The following ADCY5 variants were observed in gnomAD, a reference collection of about 807,000 sequenced individuals.
ADCY5 encodes the protein adenylate cyclase 5.
In ADCY5, 30 loss-of-function variants were observed where a neutral mutation model predicts 119.7. The observed-to-expected ratio is 0.25, with a 90% confidence interval of 0.19 to 0.34. The LOEUF (loss-of-function observed/expected upper bound fraction) is 0.34. ADCY5 is among the 10% of genes least tolerant of loss of function. The probability of loss-of-function intolerance (pLI) is 1.00; values close to 1 mark genes in which losing one functional copy is unlikely to be tolerated. For synonymous variants in ADCY5, 753 were observed against 762.2 expected (o/e 0.99, Z 0.20); for missense variants, 1,324 against 1,775.2 (o/e 0.75, Z 4.57).
chr3:123,438,226 T>C (rs1945658386), intron 1 of ADCY5, among the ~76,000 whole-genome samples: 2 of 152,154 alleles, frequency 1.3e-5, no homozygotes, highest in South Asian at 4.1e-4. Flanking sequence ...TGGAGTCAAA[T>C]GTGTTTGAAA....
At chr3:123,299,733 C>G (rs12631101) in intron 15 of ADCY5, among the ~76,000 whole-genome samples, 65,864 of 152,148 alleles carry the variant, frequency 0.43, 14,797 homozygotes, top group East Asian at 0.7. Flanking sequence ...AGGCACCTGC[C>G]TCGAGGTGGG....
intron 1 of ADCY5, among the ~76,000 whole-genome samples, chr3:123,446,674 G>A (rs769617177): frequency 6.6e-6 from 1 of 152,126 alleles, no homozygotes; most frequent in Non-Finnish European, 1.5e-5. Context: ...ATCCCAGCAG[G>A]GATAAAATGT....
intron 1 of ADCY5, among the ~76,000 whole-genome samples, chr3:123,401,450 G>T (rs1455658291): frequency 6.6e-6 from 1 of 152,158 alleles, no homozygotes; most frequent in Non-Finnish European, 1.5e-5. Context: ...GTGGCTATTC[G>T]CACTTAGGAT....
chr3:123,320,494 C>A (rs1941162078), intron 9 of ADCY5, among the ~76,000 whole-genome samples: 1 of 152,242 alleles, frequency 6.6e-6, no homozygotes, highest in South Asian at 2.1e-4. Context: ...CACACGTGCA[C>A]AAGCGTGTCA....
At chr3:123,418,827 C>G (rs1044002473) in intron 1 of ADCY5, 1 of 152,178 alleles carries the variant, frequency 6.6e-6, no homozygotes, top group Non-Finnish European at 1.5e-5. Flanking sequence ...TTGAATAGAG[C>G]AAAAAGGTAG....
chr3:123,346,910 G>C (rs2108477212), intron 3 of ADCY5, among the ~76,000 whole-genome samples: 1 of 152,232 alleles, frequency 6.6e-6, no homozygotes. Context: ...TGTCCCCGTG[G>C]AACTCATAAG....
chr3:123,351,964 GGT>G (rs1272275489), intron 2 of ADCY5, among the ~76,000 whole-genome samples: 1 of 152,200 alleles, frequency 6.6e-6, no homozygotes, highest in East Asian at 1.9e-4. Context: ...GGAATAGCCA[GGT>G]GTGGGGTGTT....
At chr3:123,399,192 G>T (rs1000060531) in intron 1 of ADCY5, among the ~76,000 whole-genome samples, 1 of 152,204 alleles carries the variant, frequency 6.6e-6, no homozygotes, top group African/African-American at 2.4e-5. Context: ...GACTTGATGT[G>T]AACAAAAGAT....
chr3:123,444,323 G>A (rs1298668715), intron 1 of ADCY5, among the ~76,000 whole-genome samples: 3 of 152,148 alleles, frequency 2.0e-5, no homozygotes, highest in African/African-American at 7.2e-5. Context: ...GAGAGGCCTC[G>A]AACAGGGAGG....
At chr3:123,303,971 G>A (rs1415474417) in intron 13 of ADCY5, 96 bp downstream of exon 13, 1 of 863,786 alleles carries the variant, frequency 1.2e-6, no homozygotes, top group African/African-American at 1.7e-5. Flanking sequence ...AACTTCCAGG[G>A]AAAGTCTCTC....
chr3:123,396,892 T>C (rs1470015128), intron 1 of ADCY5, among the ~76,000 whole-genome samples: 2 of 151,122 alleles, frequency 1.3e-5, no homozygotes, highest in Non-Finnish European at 3.0e-5. Context: ...CTGCTTTCTG[T>C]AGCACACAGG....
At chr3:123,303,324 G>A (rs934205805) in intron 13 of ADCY5, 105 bp from the exon 14 acceptor site, 5 of 1,266,606 alleles carry the variant, frequency 3.9e-6, no homozygotes, top group South Asian at 1.4e-5. Flanking sequence ...TCCGCCTCAG[G>A]TGCAGCATGA....
rs756842440 is a variant in ADCY5 at position 123,447,745 on chromosome 3, C to A, written c.801G>T (p.Gln267His). Residue 267 changes from glutamine (Q) to histidine (H), a missense_variant, in exon 1 of 21, where the codon CAG becomes CAT. Around this residue, in one of 6 missense-constraint regions of ADCY5, gnomAD observed 585 missense variants for 569.9 expected, o/e 1.03. Coordinates refer to ENST00000462833, the MANE Select transcript of ADCY5 (RefSeq NM_183357.3). ...LAFHAARPPL[Q>H]LPYLAVLAAA... The stretch of plus-strand genomic sequence containing the variant: ...CCGCCAGCACGGCCAGGTAGGGCAG[C>A]TGGAGCGGGGGCCGCGCCGCGTGGA... The A allele has an allele frequency of 7.5e-6, 12 of 1,602,132 alleles. No homozygotes were observed. In the South Asian group the frequency reaches 1.2e-4, roughly 16 times the overall value.
intron 10 of ADCY5, 47 bp from the exon 11 acceptor site, chr3:123,318,164 G>C (rs1159800745): frequency 1.4e-6 from 2 of 1,470,904 alleles, no homozygotes; most frequent in Non-Finnish European, 1.9e-6. Context: ...ACCTGGCCCG[G>C]TCTGCTCCAG....
chr3:123,362,189 G>A (rs1251215131), intron 1 of ADCY5, among the ~76,000 whole-genome samples: 1 of 152,198 alleles, frequency 6.6e-6, no homozygotes, highest in Non-Finnish European at 1.5e-5. Context: ...TCTAGGAGCA[G>A]AATTGCTGGG....
chr3:123,447,724 C>T lies in ADCY5; in HGVS notation c.822G>A (p.Leu274=), dbSNP rs754095913. Residue 274 remains leucine (L), a synonymous_variant, in exon 1 of 21, where the codon CTG becomes CTA. Coordinates refer to ENST00000462833, the MANE Select transcript of ADCY5 (RefSeq NM_183357.3). ...PPLQLPYLAV[L]AAAVGVILIM... ...TGAGGATCACGCCGACGGCGGCCGC[C>T]AGCACGGCCAGGTAGGGCAGCTGGA... The T allele has an allele frequency of 7.5e-6, 12 of 1,599,564 alleles. No individual in the cohort carries two copies. Among genetic ancestry groups the T allele is most frequent in the Non-Finnish European group, 1.0e-5 (12 of 1,171,508 alleles).
At chr3:123,426,715 C>T (rs952110138) in intron 1 of ADCY5, among the ~76,000 whole-genome samples, 3 of 152,072 alleles carry the variant, frequency 2.0e-5, no homozygotes, top group African/African-American at 7.2e-5. Flanking sequence ...TCAGGCAGCC[C>T]CTGAGAAAGG....
chr3:123,397,586 G>A (rs1944637055), intron 1 of ADCY5, among the ~76,000 whole-genome samples: 1 of 152,046 alleles, frequency 6.6e-6, no homozygotes. Context: ...ACAGTGAGCT[G>A]TGATCACACC....
intron 1 of ADCY5, among the ~76,000 whole-genome samples, chr3:123,435,898 T>C (rs966018353): frequency 2.1e-5 from 3 of 140,742 alleles, no homozygotes; most frequent in Non-Finnish European, 3.0e-5. Context: ...TTATTATTAT[T>C]ATTATTTTCT....
Sources: gnomAD v4.1 joint callset for allele counts (sites outside exome capture counted in the v4.1 genomes callset) on GRCh38, gnomAD v4.1.1 for gene constraint, gnomAD v4.1.1 regional missense constraint, MANE v1.5 for transcripts, NCBI Gene and HGNC (gene_info 2026-07-23, HGNC 2026-07-21) for gene names.